Variants in GRB10 observed in about 807,000 individuals in gnomAD.
GRB10 encodes growth factor receptor bound protein 10, also known as growth factor receptor-bound protein 10.
A neutral mutation model predicts 80.9 loss-of-function variants in GRB10; 20 were observed. That is an observed-to-expected ratio of 0.25 (90% CI 0.17 to 0.36). The LOEUF is 0.36. Ranked by LOEUF, GRB10 falls within the 10% of genes least tolerant of loss-of-function variation. The pLI is 1.00. For missense variants in GRB10, 548 were observed against 747.7 expected (o/e 0.73, Z 3.12); for synonymous variants, 291 against 291.5 (o/e 1.00, Z 0.02).
chr7:50,626,835 C>T lies in GRB10; in HGVS notation c.648G>A (p.Pro216=), dbSNP rs750275804. The change falls in exon 8 of 19, where the codon CCG becomes CCA. Residue 216 remains proline (P), a synonymous_variant. Coordinates refer to ENST00000401949, the MANE Select transcript of GRB10 (RefSeq NM_001350814.2). ...DNSWTLVEHH[P]HLGLERCLED... is the part of the protein sequence containing the mutation. Reference sequence around the variant, plus strand: ...ATGGTTCCCTACCTAATCCTAGGTGCGGGTGGTGCTCCACTAGTGTCCAGC... The same window carrying T: ...ATGGTTCCCTACCTAATCCTAGGTGTGGGTGGTGCTCCACTAGTGTCCAGC... 14 of 1,614,138 alleles carry T rather than the reference C, an allele frequency of 8.7e-6. No homozygotes were observed. Among genetic ancestry groups the T allele is most frequent in the African/African-American group, 1.3e-5 (1 of 75,020 alleles).
At chr7:50,793,130 A>C (rs568045568) in intron 1 of GRB10, 1 of 140,224 alleles carries the variant, frequency 7.1e-6, no homozygotes. Context: ...CGCTCAGACA[A>C]TGACGGCGCG....
intron 7 of GRB10, among the ~76,000 whole-genome samples, chr7:50,633,390 C>G (rs190806313): frequency 1.3e-3 from 194 of 152,244 alleles, no homozygotes; most frequent in African/African-American, 4.1e-3. Context: ...ACAGTCACAT[C>G]CTCAAGGTGG....
intron 4 of GRB10, among the ~76,000 whole-genome samples, chr7:50,713,897 C>T (rs1345493098): frequency 1.3e-5 from 2 of 152,066 alleles, no homozygotes; most frequent in Non-Finnish European, 2.9e-5. Flanking sequence ...TCCTCCACTA[C>T]CTACCCCTTC....
chr7:50,749,121 T>C (rs1209687559), intron 3 of GRB10, among the ~76,000 whole-genome samples: 1 of 76,320 alleles, frequency 1.3e-5, no homozygotes, highest in African/African-American at 3.0e-5. Flanking sequence ...TGTTTTGTTT[T>C]GTTTTTTTGT....
chr7:50,781,501 C>CCTGCAGT (rs1310097546), intron 1 of GRB10: 2 of 152,252 alleles, frequency 1.3e-5, no homozygotes, highest in African/African-American at 4.8e-5. Context: ...CGTCATAATC[C>CCTGCAGT]CTGCAGTCGC....
chr7:50,787,174 G>A (rs1402070598), upstream of GRB10, among the ~76,000 whole-genome samples: 10 of 152,174 alleles, frequency 6.6e-5, no homozygotes, highest in Non-Finnish European at 1.0e-4. Flanking sequence ...AGAGACAAGA[G>A]TGAGTGTAGG....
In GRB10 at chr7:50,782,877, T is replaced by C. The variant is rs573542844; in HGVS notation, c.-780A>G. 4.2e-3 allele frequency: 645 copies of C among 152,318 alleles called. 4 individuals carry two copies. Among genetic ancestry groups the C allele is most frequent in the Middle Eastern group, 0.01 (3 of 296 alleles). The allele number at this position is 152,318 out of a possible 1,614,324, so 9.4% of individuals were successfully genotyped here. A position where few individuals can be genotyped will look rare whatever the true frequency, so the allele number is the denominator to read the frequency against. ...AGGACGACGGAGCAGCGCCCGGTCCTGGAGCACAACAGGAATCCCAGGACC... is the reference window on the plus strand; with the variant it reads ...AGGACGACGGAGCAGCGCCCGGTCCCGGAGCACAACAGGAATCCCAGGACC... On this transcript the variant is annotated 5_prime_UTR_variant, in exon 1 of 19. Transcript: ENST00000401949. This position sits in a 1 kb window ranked among gnomAD's most constrained non-coding sequence, Gnocchi z 6.6.
In GRB10 at chr7:50,592,961, C is replaced by A. The variant is rs2045983026; in HGVS notation, c.1776G>T (p.Val592=). ...GAGAGGACATCTGCGGTCATAAGGC[C>A]ACTCGGATGCAGTGGTGCTTGAGTT... The part of the protein sequence containing the change: ...PCKLKHHCIR[V]AL The change falls in exon 19 of 19, where the codon GTG becomes GTT. Residue 592 remains valine, a synonymous_variant. Coordinates refer to ENST00000401949, the MANE Select transcript of GRB10 (RefSeq NM_001350814.2). 1 of 1,614,194 alleles carries A rather than the reference C, an allele frequency of 6.2e-7. No individual in the cohort carries two copies. Among genetic ancestry groups the A allele is most frequent in the African/African-American group, 1.3e-5 (1 of 75,048 alleles).
At chr7:50,784,190 G>A (rs1429394911), upstream of GRB10, among the ~76,000 whole-genome samples, 1 of 152,256 alleles carries the variant, frequency 6.6e-6, no homozygotes, top group East Asian at 1.9e-4. Flanking sequence ...GTCACATAGT[G>A]AACATCGCAA....
intron 5 of GRB10, among the ~76,000 whole-genome samples, chr7:50,690,118 G>C (rs2062622287): frequency 6.6e-6 from 1 of 152,102 alleles, no homozygotes; most frequent in African/African-American, 2.4e-5. Flanking sequence ...CCAACATGGA[G>C]ATACCCCATC....
At chr7:50,660,892 CCTCAGGGTCCCCAGCA>C (rs2059201355) in intron 7 of GRB10, among the ~76,000 whole-genome samples, 1 of 152,182 alleles carries the variant, frequency 6.6e-6, no homozygotes, top group South Asian at 2.1e-4. Flanking sequence ...AGCCAGCACC[CCTCAGGGTCCCCAGCA>C]CTCAGGGTAA....
At chr7:50,644,620 GAC>G (rs1475536110) in intron 7 of GRB10, among the ~76,000 whole-genome samples, 1 of 152,194 alleles carries the variant, frequency 6.6e-6, no homozygotes, top group Non-Finnish European at 1.5e-5. Context: ...CAGTAAGCAG[GAC>G]AGGTCTAACT....
At chr7:50,752,092 C>A (rs946770933) in intron 3 of GRB10, among the ~76,000 whole-genome samples, 5 of 152,152 alleles carry the variant, frequency 3.3e-5, no homozygotes, top group Non-Finnish European at 7.3e-5. Flanking sequence ...GAAGCTCATA[C>A]AAAACCACAG....
intron 2 of GRB10, among the ~76,000 whole-genome samples, chr7:50,765,148 C>G (rs995674084): frequency 9.2e-4 from 140 of 152,256 alleles, no homozygotes; most frequent in African/African-American, 2.8e-3. Context: ...GTTAAAATGA[C>G]TATTATCAAA....
intron 17 of GRB10, among the ~76,000 whole-genome samples, chr7:50,597,747 G>A (rs559394496): frequency 7.9e-5 from 12 of 152,344 alleles, no homozygotes; most frequent in African/African-American, 7.2e-5. Context: ...ACTGCTATGC[G>A]GGGAGAATGG....
chr7:50,628,604 C>T (rs541196946), intron 7 of GRB10, among the ~76,000 whole-genome samples: 3 of 152,056 alleles, frequency 2.0e-5, no homozygotes, highest in African/African-American at 4.8e-5. Flanking sequence ...TCAGCGAGAG[C>T]GGAAGAGCCC....
chr7:50,749,117 G>GTTTTCTTT (rs759030878), intron 3 of GRB10, among the ~76,000 whole-genome samples: 2 of 62,182 alleles, frequency 3.2e-5, no homozygotes, highest in Non-Finnish European at 1.0e-4. Flanking sequence ...TTTTTGTTTT[G>GTTTTCTTT]TTTTGTTTTT....
chr7:50,731,889 C>G (rs570978606), intron 4 of GRB10, among the ~76,000 whole-genome samples: 25 of 152,334 alleles, frequency 1.6e-4, no homozygotes, highest in Non-Finnish European at 2.8e-4. Context: ...GTCCCGACAA[C>G]CACCATCACT....
intron 4 of GRB10, among the ~76,000 whole-genome samples, chr7:50,726,347 G>A (rs1366175254): frequency 2.0e-5 from 3 of 152,138 alleles, no homozygotes; most frequent in Non-Finnish European, 4.4e-5. Flanking sequence ...GCAGTGAGCT[G>A]AGATTGGGCC....
Sources: gnomAD v4.1 joint callset for allele counts (sites outside exome capture counted in the v4.1 genomes callset) on GRCh38, gnomAD v4.1.1 for gene constraint, Gnocchi (gnomAD v3.1) non-coding constraint, MANE v1.5 for transcripts, NCBI Gene and HGNC (gene_info 2026-07-23, HGNC 2026-07-21) for gene names.